Variants in CLINT1 observed in about 807,000 individuals in gnomAD.
The protein encoded by CLINT1 is clathrin interacting protein localized in the trans-Golgi region.
A neutral mutation model predicts 70.4 loss-of-function variants in CLINT1; 15 were observed. The observed-to-expected ratio is 0.21, with a 90% CI of 0.14 to 0.33. The LOEUF is 0.33. CLINT1 is among the 10% of genes least tolerant of loss of function. The probability of loss-of-function intolerance (pLI) is 1.00; values close to 1 mark genes in which losing one functional copy is unlikely to be tolerated. For missense variants in CLINT1, 615 were observed against 778.1 expected (o/e 0.79, Z 2.49); for synonymous variants, 227 against 254.7 (o/e 0.89, Z 1.04).
At chr5:157,804,915 G>A (rs892374223) in intron 7 of CLINT1, among the ~76,000 whole-genome samples, 16 of 150,556 alleles carry the variant, frequency 1.1e-4, no homozygotes, top group South Asian at 2.1e-4. Flanking sequence ...CAACAAGAGC[G>A]AAACTCGGTC....
chr5:157,796,383 T>C (rs1211356454), intron 8 of CLINT1, among the ~76,000 whole-genome samples: 1 of 152,234 alleles, frequency 6.6e-6, no homozygotes, highest in Non-Finnish European at 1.5e-5. Flanking sequence ...TTCCTTTTTT[T>C]CTCAACTTTA....
chr5:157,855,148 A>T (rs1431643328), intron 1 of CLINT1, among the ~76,000 whole-genome samples: 2 of 43,834 alleles, frequency 4.6e-5, no homozygotes, highest in Admixed American at 5.1e-4. Flanking sequence ...CTCCGAAAAA[A>T]AAAAAAGGCG....
chr5:157,823,921 G>A (rs1762952312), intron 1 of CLINT1, among the ~76,000 whole-genome samples: 1 of 152,138 alleles, frequency 6.6e-6, no homozygotes, highest in South Asian at 2.1e-4. Context: ...AACTGTGCAT[G>A]TGAGGGACCT....
intron 1 of CLINT1, among the ~76,000 whole-genome samples, chr5:157,830,796 CTATATATA>C (rs369160163): frequency 4.7e-5 from 4 of 85,718 alleles, no homozygotes; most frequent in East Asian, 3.5e-4. Flanking sequence ...CTCTCTCTCT[CTATATATA>C]TATATATATA....
chr5:157,845,238 A>G (rs1354628595), intron 1 of CLINT1, among the ~76,000 whole-genome samples: 1 of 152,094 alleles, frequency 6.6e-6, no homozygotes, highest in Non-Finnish European at 1.5e-5. Flanking sequence ...AATCCCAGCT[A>G]CTTGGGAGGC....
At chr5:157,813,367 G>A in intron 4 of CLINT1, 140 bp from the exon 5 acceptor site, 3 of 798,312 alleles carry the variant, frequency 3.8e-6, no homozygotes, top group Non-Finnish European at 5.6e-6. Flanking sequence ...GGCAAGTTGT[G>A]CTATTTAACT....
intron 1 of CLINT1, among the ~76,000 whole-genome samples, chr5:157,851,228 A>G (rs1305359166): frequency 6.6e-6 from 1 of 152,242 alleles, no homozygotes; most frequent in Non-Finnish European, 1.5e-5. Flanking sequence ...TTGAATGAGA[A>G]TTCTTGAATG....
intron 8 of CLINT1, among the ~76,000 whole-genome samples, chr5:157,797,422 G>A (rs896236969): frequency 4.6e-5 from 7 of 152,070 alleles, no homozygotes; most frequent in South Asian, 4.1e-4. Context: ...AGTTCCACTC[G>A]TCACCCAGAC....
At chr5:157,858,358 G>A (rs2113353475) in intron 1 of CLINT1, among the ~76,000 whole-genome samples, 1 of 152,328 alleles carries the variant, frequency 6.6e-6, no homozygotes, top group Admixed American at 6.5e-5. Flanking sequence ...GTGTCTTCTT[G>A]AGTAACTTCA....
Position 157,859,024 on chromosome 5 carries a change from C to G in CLINT1, c.-54G>C. ...TCCCTCTCCTGCTCCCCACGGACCC[C>G]GGAACACTTCCGTACCGGGGCAGTT... On this transcript the variant is annotated 5_prime_UTR_variant, in exon 1 of 12. Coordinates refer to ENST00000411809, the MANE Select transcript of CLINT1 (RefSeq NM_014666.4). 6.2e-7 allele frequency: 1 copy of G among 1,602,736 alleles called. No homozygotes were observed. Among genetic ancestry groups the G allele is most frequent in the Non-Finnish European group, 8.5e-7 (1 of 1,173,818 alleles).
At chr5:157,827,596 T>C (rs1763080368) in intron 1 of CLINT1, among the ~76,000 whole-genome samples, 1 of 152,184 alleles carries the variant, frequency 6.6e-6, no homozygotes, top group South Asian at 2.1e-4. Context: ...AGTTTAGTAA[T>C]TTATGTAACA....
intron 9 of CLINT1, among the ~76,000 whole-genome samples, chr5:157,794,443 G>C (rs565308240): frequency 2.6e-5 from 4 of 152,286 alleles, no homozygotes; most frequent in Non-Finnish European, 5.9e-5. Flanking sequence ...TCAAAATGAA[G>C]TTCAGTTATT....
chr5:157,818,168 C>T (rs896061103), intron 1 of CLINT1, among the ~76,000 whole-genome samples: 3 of 152,058 alleles, frequency 2.0e-5, no homozygotes, highest in African/African-American at 4.8e-5. Flanking sequence ...GGAGATTGTA[C>T]GATGGACACT....
intron 8 of CLINT1, among the ~76,000 whole-genome samples, chr5:157,798,459 A>C (rs1157554786): frequency 1.3e-5 from 2 of 152,218 alleles, no homozygotes; most frequent in Non-Finnish European, 2.9e-5. Context: ...AATACAGGTA[A>C]ACTAGACAGT....
rs1416067471 is a variant in CLINT1, at chr5:157,805,878, C to T, written c.930G>A (p.Gln310=). The T allele has an allele frequency of 1.2e-6, 2 of 1,613,898 alleles. No homozygotes were observed. Among genetic ancestry groups the T allele is most frequent in the South Asian group, 2.2e-5 (2 of 91,080 alleles). ...PDQNASTHTP[Q]SSVKTSVPSS... is the part of the protein sequence containing the mutation. ...CTGCCATTCCCACCTTAACTGAAGACTGAGGTGTGTGGGTTGAAGCATTCT... is the reference window on the plus strand; with the variant it reads ...CTGCCATTCCCACCTTAACTGAAGATTGAGGTGTGTGGGTTGAAGCATTCT... The change falls in exon 7 of 12, where the codon CAG becomes CAA. Residue 310 remains glutamine, a synonymous_variant. Coordinates refer to ENST00000411809, the MANE Select transcript of CLINT1 (RefSeq NM_014666.4).
At chr5:157,809,975 G>C (rs758114897) in intron 5 of CLINT1, among the ~76,000 whole-genome samples, 170 bp from the exon 6 acceptor site, 1 of 152,188 alleles carries the variant, frequency 6.6e-6, no homozygotes, top group African/African-American at 2.4e-5. Context: ...AGCATGTAAT[G>C]CCAGTCATTA....
chr5:157,824,506 T>G (rs1430873526), intron 1 of CLINT1, among the ~76,000 whole-genome samples: 6 of 152,110 alleles, frequency 3.9e-5, no homozygotes, highest in Non-Finnish European at 7.3e-5. Flanking sequence ...AAAAAAAGTC[T>G]CTCACTGATC....
chr5:157,824,441 G>T (rs2113240341), intron 1 of CLINT1, among the ~76,000 whole-genome samples: 1 of 152,190 alleles, frequency 6.6e-6, no homozygotes, highest in Admixed American at 6.5e-5. Flanking sequence ...GAAATGATGT[G>T]GGGAGGTGGA....
chr5:157,837,416 AC>A (rs368625054), intron 1 of CLINT1, among the ~76,000 whole-genome samples: 80 of 108,246 alleles, frequency 7.4e-4, no homozygotes, highest in East Asian at 3.2e-3. Context: ...GTAAATACAC[AC>A]ACACACACAC....
Sources: allele counts gnomAD v4.1 joint callset (sites outside exome capture counted in the v4.1 genomes callset), GRCh38; gene constraint gnomAD v4.1.1; transcripts MANE v1.5; gene names NCBI Gene and HGNC (gene_info 2026-07-23, HGNC 2026-07-21).